FSTL5: variants seen among roughly 807,000 people sequenced by gnomAD.
FSTL5 encodes follistatin like 5, also known as follistatin-related protein 5.
Under a neutral mutation model 89.1 loss-of-function variants are expected in FSTL5, and 62 were observed. That is an observed-to-expected ratio of 0.70 (90% confidence interval 0.57 to 0.86). The LOEUF (loss-of-function observed/expected upper bound fraction) is 0.86. FSTL5 is among the 40% of genes least tolerant of loss of function. The probability of loss-of-function intolerance (pLI) is 0.00; values close to 1 mark genes in which losing one functional copy is unlikely to be tolerated. For missense variants in FSTL5, 1,057 were observed against 1,001.6 expected (o/e 1.06, Z -0.75); for synonymous variants, 383 against 346.2 (o/e 1.11, Z -1.18).
chr4:161,601,029 TA>T (rs1734211156), intron 7 of FSTL5, among the ~76,000 whole-genome samples: 1 of 152,006 alleles, frequency 6.6e-6, no homozygotes, highest in Non-Finnish European at 1.5e-5. Context: ...ACCATACAAG[TA>T]AGTACAAAAA....
At chr4:161,788,080 T>C (rs1268225068) in intron 4 of FSTL5, among the ~76,000 whole-genome samples, 1 of 152,206 alleles carries the variant, frequency 6.6e-6, no homozygotes, top group Non-Finnish European at 1.5e-5. Flanking sequence ...TTTTCATGTA[T>C]GTTGTCAGAT....
chr4:162,143,743 CACA>C (rs1561043159), intron 1 of FSTL5, among the ~76,000 whole-genome samples: 1,592 of 65,642 alleles, frequency 0.024, 18 homozygotes, highest in Non-Finnish European at 0.046. Context: ...CACACACACA[CACA>C]CACCCAGGAA....
At position 162,099,158 on chromosome 4, in the gene FSTL5, T is replaced by C. The variant is rs868835477; in HGVS notation, c.126+12113A>G. On this transcript the variant is annotated intron_variant, in intron 2 of 15. Transcript: ENST00000306100. ...GTATCATTTCTTTGTGTAGTAGCAT[T>C]CTAAATATTTTCTTTCAGCTATTTT... Among the ~76,000 whole-genome samples the C allele has an allele frequency of 1.9e-4, 29 of 152,098 alleles. 1 individual carries two copies. The highest frequency in any genetic ancestry group is 7.2e-5 in the African/African-American group (3 of 41,454).
chr4:161,975,747 G>A (rs1346654786), intron 3 of FSTL5, among the ~76,000 whole-genome samples: 21 of 114,604 alleles, frequency 1.8e-4, no homozygotes, highest in Admixed American at 1.7e-3. Flanking sequence ...AAAACTTAAA[G>A]TATAATAAAA....
At chr4:161,938,128 A>G (rs188468071) in intron 3 of FSTL5, among the ~76,000 whole-genome samples, 25 of 152,244 alleles carry the variant, frequency 1.6e-4, no homozygotes, top group African/African-American at 5.8e-4. Flanking sequence ...ACTTTTGTAG[A>G]ACTCTGTGTT....
chr4:161,442,757 G>T (rs1732815807), intron 15 of FSTL5, among the ~76,000 whole-genome samples: 1 of 152,018 alleles, frequency 6.6e-6, no homozygotes, highest in South Asian at 2.1e-4. Flanking sequence ...CTCATTGTGT[G>T]CCAGGAACTG....
At chr4:161,432,734 TA>T (rs1303960540) in intron 15 of FSTL5, among the ~76,000 whole-genome samples, 1 of 151,792 alleles carries the variant, frequency 6.6e-6, no homozygotes, top group Non-Finnish European at 1.5e-5. Context: ...ATCAGAGATT[TA>T]AAAAACAGCA....
Position 161,841,831 on chromosome 4 carries a change from T to A in FSTL5, c.410-65757A>T, listed in dbSNP as rs181919034. ...TTCCACTAGTTGGCTCTTTAATAAC[T>A]GTTTTTGATGTTGATGAGGCTTTGG... On this transcript the variant is annotated intron_variant, in intron 4 of 15. Transcript: ENST00000306100. Among the ~76,000 whole-genome samples the A allele has an allele frequency of 4.2e-3, 636 of 152,286 alleles. 3 individuals are homozygous for A. The highest frequency in any genetic ancestry group is 0.014 in the African/African-American group (581 of 41,562).
chr4:161,477,339 A>AT (rs1368882833), intron 13 of FSTL5, among the ~76,000 whole-genome samples: 1 of 150,232 alleles, frequency 6.7e-6, no homozygotes, highest in African/African-American at 2.4e-5. Flanking sequence ...TAAAGTATAT[A>AT]TATTTTTTTC....
At position 161,449,852 on chromosome 4, in the gene FSTL5, C is replaced by G. The variant is rs528200950; in HGVS notation, c.1841+5152G>C. ...CAAATAACCCAAATGTTAGCTGTTC[C>G]CTTGCAATCTAGGTGAAGATATCTT... On this transcript the variant is annotated intron_variant, in intron 15 of 15. Coordinates refer to ENST00000306100, the MANE Select transcript of FSTL5 (RefSeq NM_020116.5). 2.1e-4 allele frequency among the ~76,000 whole-genome samples: 32 copies of G among 152,174 alleles called. No homozygotes were observed. In the South Asian group the frequency reaches 4.8e-3, roughly 23 times the overall value.
At chr4:161,635,367 G>C (rs866352211) in intron 7 of FSTL5, among the ~76,000 whole-genome samples, 1 of 152,160 alleles carries the variant, frequency 6.6e-6, no homozygotes, top group South Asian at 2.1e-4. Flanking sequence ...CAGCCTGGGC[G>C]ATAGAGTGAG....
intron 15 of FSTL5, among the ~76,000 whole-genome samples, chr4:161,396,280 T>C (rs961238502): frequency 6.6e-6 from 1 of 152,132 alleles, no homozygotes; most frequent in Non-Finnish European, 1.5e-5. Context: ...TGGATGATTA[T>C]AAAGCAGTAG....
chr4:161,621,130 T>A (rs1735106102), intron 7 of FSTL5, among the ~76,000 whole-genome samples: 1 of 152,152 alleles, frequency 6.6e-6, no homozygotes, highest in African/African-American at 2.4e-5. Flanking sequence ...ATGGAGGCCA[T>A]AAAACAATTC....
chr4:161,777,630 T>A (rs1741460270), intron 4 of FSTL5, among the ~76,000 whole-genome samples: 1 of 152,168 alleles, frequency 6.6e-6, no homozygotes, highest in Non-Finnish European at 1.5e-5. Flanking sequence ...TAATGTGATA[T>A]ATATTTGCAC....
At chr4:161,657,674 T>A (rs1294141310) in intron 6 of FSTL5, among the ~76,000 whole-genome samples, 1 of 152,198 alleles carries the variant, frequency 6.6e-6, no homozygotes, top group African/African-American at 2.4e-5. Flanking sequence ...GTGAGTTTTA[T>A]AGAATGCAAA....
chr4:161,791,353 G>C (rs967976447), intron 4 of FSTL5, among the ~76,000 whole-genome samples: 2 of 152,122 alleles, frequency 1.3e-5, no homozygotes, highest in African/African-American at 4.8e-5. Context: ...TATTGGTAAA[G>C]AACAATTTGA....
chr4:161,688,054 T>C (rs542929862), intron 6 of FSTL5, among the ~76,000 whole-genome samples: 80 of 152,186 alleles, frequency 5.3e-4, no homozygotes, highest in Non-Finnish European at 8.7e-4. Context: ...CTGTTCTTTA[T>C]AAATCACCCA....
Position 161,505,207 on chromosome 4 carries a change from C to T in FSTL5, c.1340-5073G>A, listed in dbSNP as rs567989227. Among the ~76,000 whole-genome samples, 45 of 152,246 alleles carry T rather than the reference C, an allele frequency of 3.0e-4. 1 individual carries two copies. The highest frequency in any genetic ancestry group is 1.0e-3 in the African/African-American group (42 of 41,566). On this transcript the variant is annotated intron_variant, in intron 11 of 15. Coordinates refer to ENST00000306100, the MANE Select transcript of FSTL5 (RefSeq NM_020116.5). Reference sequence around the variant, plus strand: ...ATATAGGCAAGAATAGATTGCGTTGCATTTTCTCACTGAATAACTCAGCAC... The same window carrying T: ...ATATAGGCAAGAATAGATTGCGTTGTATTTTCTCACTGAATAACTCAGCAC...
intron 3 of FSTL5, among the ~76,000 whole-genome samples, chr4:161,983,356 A>G (rs951435457): frequency 8.5e-5 from 13 of 152,250 alleles, no homozygotes; most frequent in Non-Finnish European, 1.6e-4. Context: ...TTTGCATGTA[A>G]TATTCTTCCC....
Sources: gnomAD v4.1 joint callset for allele counts (sites outside exome capture counted in the v4.1 genomes callset) on GRCh38, gnomAD v4.1.1 for gene constraint, MANE v1.5 for transcripts, NCBI Gene and HGNC (gene_info 2026-07-23, HGNC 2026-07-21) for gene names.